RAB9B: variants seen among roughly 807,000 people sequenced by gnomAD.
The protein encoded by RAB9B is RAB9B, member RAS oncogene family.
RAB9B carries 1 observed loss-of-function variant against 8.9 expected under a neutral mutation model. The ratio of observed to expected loss-of-function variants is 0.11; its 90% CI spans 0.04 to 0.53. RAB9B has a LOEUF of 0.53. Among genes scored for constraint, RAB9B ranks in the 20% least tolerant of loss-of-function variants. The pLI is 0.93. For missense variants in RAB9B, 82 were observed against 152.9 expected, an observed-to-expected ratio of 0.54 and a Z score of 2.45; for synonymous variants, 63 against 57.0, an observed-to-expected ratio of 1.10 and a Z score of -0.47.
chrX:103,820,854 G>A (rs889761446), downstream of RAB9B, among the ~76,000 whole-genome samples: 2 of 109,655 alleles, frequency 1.8e-5, no homozygotes, highest in Non-Finnish European at 3.8e-5. Context: ...GGAGGCTGAG[G>A]CATGAGAATC....
the RAB9B span, among the ~76,000 whole-genome samples, chrX:103,801,977 C>A: frequency 9.0e-6 from 1 of 111,435 alleles, no homozygotes; most frequent in Non-Finnish European, 1.9e-5. Context: ...TAGTCTCTAC[C>A]ATGAGGGGAG....
the RAB9B span, among the ~76,000 whole-genome samples, chrX:103,794,071 G>A: frequency 6.3e-5 from 7 of 111,525 alleles, no homozygotes; most frequent in African/African-American, 2.3e-4. Flanking sequence ...GGGCAGTGTG[G>A]GTAGAAAGGT....
the RAB9B span, among the ~76,000 whole-genome samples, chrX:103,785,386 T>G: frequency 8.9e-6 from 1 of 112,596 alleles, no homozygotes; most frequent in Non-Finnish European, 1.9e-5. Flanking sequence ...CAAAGATTTA[T>G]TTTCAAGAAT....
the RAB9B span, chrX:103,787,884 C>T: frequency 8.3e-7 from 1 of 1,207,186 alleles, no homozygotes; most frequent in Non-Finnish European, 1.1e-6. Context: ...ACTTCAACAC[C>T]TGGACCACCT....
the RAB9B span, among the ~76,000 whole-genome samples, chrX:103,809,338 T>C: frequency 8.9e-6 from 1 of 112,159 alleles, no homozygotes; most frequent in Admixed American, 9.4e-5. Flanking sequence ...TTTGCTCTTG[T>C]TGCCCAGGCT....
the RAB9B span, among the ~76,000 whole-genome samples, chrX:103,803,738 C>G: frequency 8.9e-6 from 1 of 111,968 alleles, no homozygotes; most frequent in Admixed American, 9.4e-5. Flanking sequence ...GCCATCAGGC[C>G]AGCTAATTTT....
chrX:103,802,233 A>T, the RAB9B span, among the ~76,000 whole-genome samples: 6 of 83,220 alleles, frequency 7.2e-5, no homozygotes, highest in Admixed American at 8.5e-4. Context: ...AGAGAGAGAG[A>T]GAAAAAAAGG....
At chrX:103,779,919 C>T in the RAB9B span, 1 of 112,450 alleles carries the variant, frequency 8.9e-6, no homozygotes, top group Non-Finnish European at 1.9e-5. Context: ...CCTTCCCTGC[C>T]CACAGCACTT....
the RAB9B span, among the ~76,000 whole-genome samples, chrX:103,813,239 A>C: frequency 9.1e-6 from 1 of 110,388 alleles, no homozygotes; most frequent in Non-Finnish European, 1.9e-5. Context: ...ATTGTCTATA[A>C]AAAGAAGGGA....
chrX:103,829,747 T>C (rs1324386128), intron 1 of RAB9B, among the ~76,000 whole-genome samples: 1 of 112,281 alleles, frequency 8.9e-6, no homozygotes, highest in Non-Finnish European at 1.9e-5. Context: ...ATAATGTCAT[T>C]ATACTGACTT....
chrX:103,821,483 A>C (rs1346505513), downstream of RAB9B, among the ~76,000 whole-genome samples: 1 of 111,880 alleles, frequency 8.9e-6, no homozygotes, highest in Non-Finnish European at 1.9e-5. Flanking sequence ...CAATGTAATG[A>C]AACTATATAT....
At chrX:103,810,970 G>C in the RAB9B span, among the ~76,000 whole-genome samples, 2 of 111,882 alleles carry the variant, frequency 1.8e-5, no homozygotes, top group African/African-American at 6.5e-5. Flanking sequence ...TCATGTCCAG[G>C]AGGGAAAGAA....
chrX:103,785,028 A>T, the RAB9B span, among the ~76,000 whole-genome samples: 1 of 111,727 alleles, frequency 9.0e-6, no homozygotes, highest in African/African-American at 3.2e-5. Context: ...TATTTATTAA[A>T]TATTTTTTAA....
At chrX:103,811,472 G>A in the RAB9B span, among the ~76,000 whole-genome samples, 572 of 111,683 alleles carry the variant, frequency 5.1e-3, 4 homozygotes, top group African/African-American at 0.017. Context: ...GCAATGTCTA[G>A]GGGTTCCCGT....
the RAB9B span, chrX:103,792,072 A>C: frequency 9.0e-6 from 1 of 111,002 alleles, no homozygotes; most frequent in Non-Finnish European, 1.9e-5. Flanking sequence ...TTGAGACCTG[A>C]ATAGCTCCCA....
chrX:103,777,069 TGGGGTTCG>T, the RAB9B span: 1 of 957,664 alleles, frequency 1.0e-6, no homozygotes, highest in Non-Finnish European at 1.5e-6. Flanking sequence ...TTTCCAACTT[TGGGGTTCG>T]GGGGTTCCAT....
chrX:103,815,254 G>T, the RAB9B span, among the ~76,000 whole-genome samples: 3 of 112,003 alleles, frequency 2.7e-5, no homozygotes, highest in African/African-American at 9.7e-5. Flanking sequence ...CAATCAAGTT[G>T]GCTTCATCCC....
the RAB9B span, chrX:103,790,582 G>A: frequency 1.7e-6 from 2 of 1,203,766 alleles, no homozygotes; most frequent in Non-Finnish European, 2.3e-6. Context: ...CTCATGGGCC[G>A]AGGCACCAAG....
chrX:103,799,506 A>T, the RAB9B span, among the ~76,000 whole-genome samples: 1 of 112,158 alleles, frequency 8.9e-6, no homozygotes, highest in Non-Finnish European at 1.9e-5. Flanking sequence ...GAGTGCACAC[A>T]CATCTCACAT....
Sources: allele counts gnomAD v4.1 joint callset (sites outside exome capture counted in the v4.1 genomes callset), GRCh38; gene constraint gnomAD v4.1.1; transcripts MANE v1.5; gene names NCBI Gene and HGNC (gene_info 2026-07-23, HGNC 2026-07-21).